The following CTNNBL1 variants were observed in gnomAD, a reference collection of about 807,000 sequenced individuals.
The protein encoded by CTNNBL1 is catenin beta like 1, also known as beta-catenin-like protein 1.
In CTNNBL1, 31 loss-of-function variants were observed where a neutral mutation model predicts 72.7. The observed-to-expected ratio is 0.43, with a 90% CI of 0.32 to 0.58. The LOEUF is 0.58. CTNNBL1 is among the 20% of genes least tolerant of loss of function. CTNNBL1 has a pLI of 0.08. For missense variants in CTNNBL1, 534 were observed against 725.1 expected, an observed-to-expected ratio of 0.74 and a Z score of 3.03; for synonymous variants, 240 against 267.3, an observed-to-expected ratio of 0.90 and a Z score of 1.00.
intron 1 of CTNNBL1, among the ~76,000 whole-genome samples, chr20:37,700,393 T>G (rs2072830148): frequency 6.6e-6 from 1 of 152,232 alleles, no homozygotes; most frequent in Admixed American, 6.5e-5. Context: ...ATTTCATTTT[T>G]GGGGCGACTT....
chr20:37,828,795 G>T (rs1286773140), intron 11 of CTNNBL1, among the ~76,000 whole-genome samples: 3 of 152,176 alleles, frequency 2.0e-5, no homozygotes, highest in Non-Finnish European at 4.4e-5. Flanking sequence ...CTTGAGAAGG[G>T]TATCAATATT....
chr20:37,806,806 CAG>C (rs1319592562), intron 11 of CTNNBL1, among the ~76,000 whole-genome samples: 1 of 152,172 alleles, frequency 6.6e-6, no homozygotes, highest in East Asian at 1.9e-4. Flanking sequence ...TCTGTCCAAT[CAG>C]AGTTAGGAGG....
At chr20:37,737,876 T>A (rs1461173234) in intron 3 of CTNNBL1, among the ~76,000 whole-genome samples, 1 of 152,216 alleles carries the variant, frequency 6.6e-6, no homozygotes, top group East Asian at 1.9e-4. Flanking sequence ...GTTCAGGGTT[T>A]TTATGGAGGA....
chr20:37,699,593 A>G (rs543049142), intron 1 of CTNNBL1, among the ~76,000 whole-genome samples: 1 of 152,306 alleles, frequency 6.6e-6, no homozygotes, highest in Middle Eastern at 3.4e-3. Flanking sequence ...TAATACATAC[A>G]TCTTATGAGC....
At chr20:37,807,224 T>C (rs945535572) in intron 11 of CTNNBL1, among the ~76,000 whole-genome samples, 11 of 152,106 alleles carry the variant, frequency 7.2e-5, no homozygotes, top group Non-Finnish European at 1.6e-4. Context: ...GAATCTACCA[T>C]GAAGGGTGTT....
At chr20:37,793,083 T>G (rs987044632) in intron 10 of CTNNBL1, among the ~76,000 whole-genome samples, 9 of 152,252 alleles carry the variant, frequency 5.9e-5, no homozygotes, top group Non-Finnish European at 1.0e-4. Context: ...CTAAATATTG[T>G]ATACTTGAAT....
At chr20:37,754,763 C>G (rs1377999352) in intron 4 of CTNNBL1, among the ~76,000 whole-genome samples, 2 of 151,906 alleles carry the variant, frequency 1.3e-5, no homozygotes, top group African/African-American at 4.8e-5. Flanking sequence ...TTATTGAAAT[C>G]AGATGGACCT....
At chr20:37,718,022 C>T (rs890182118) in intron 1 of CTNNBL1, among the ~76,000 whole-genome samples, 3 of 152,340 alleles carry the variant, frequency 2.0e-5, no homozygotes, top group Admixed American at 6.5e-5. Flanking sequence ...TACACAGACA[C>T]AGCAACCATC....
chr20:37,806,376 G>A (rs148301772), intron 11 of CTNNBL1, among the ~76,000 whole-genome samples: 407 of 152,300 alleles, frequency 2.7e-3, no homozygotes, highest in African/African-American at 9.3e-3. Flanking sequence ...AGAGCACCAG[G>A]ATGGCTAACT....
chr20:37,861,980 T>C (rs1192793059), intron 15 of CTNNBL1, among the ~76,000 whole-genome samples: 1 of 152,164 alleles, frequency 6.6e-6, no homozygotes, highest in Non-Finnish European at 1.5e-5. Flanking sequence ...AGTGAAGGCA[T>C]AGGGGCTGGA....
intron 1 of CTNNBL1, among the ~76,000 whole-genome samples, chr20:37,704,525 G>A (rs2072869409): frequency 6.6e-6 from 1 of 151,902 alleles, no homozygotes; most frequent in Non-Finnish European, 1.5e-5. Flanking sequence ...GACCAGCCTG[G>A]GCAACACAGT....
chr20:37,799,663 T>G (rs2073807585), intron 10 of CTNNBL1, among the ~76,000 whole-genome samples: 1 of 152,228 alleles, frequency 6.6e-6, no homozygotes, highest in South Asian at 2.1e-4. Context: ...CTTACATTGC[T>G]TAAAGACAAG....
chr20:37,865,204 G>A (rs2072526813), intron 15 of CTNNBL1, among the ~76,000 whole-genome samples: 1 of 152,132 alleles, frequency 6.6e-6, no homozygotes, highest in South Asian at 2.1e-4. Context: ...ACACTCAGGA[G>A]ACCCTGTCCC....
intron 11 of CTNNBL1, among the ~76,000 whole-genome samples, chr20:37,829,394 G>C (rs921386810): frequency 6.6e-6 from 1 of 152,118 alleles, no homozygotes; most frequent in Non-Finnish European, 1.5e-5. Flanking sequence ...TTAACCATTT[G>C]AGCTGTGGAA....
intron 1 of CTNNBL1, among the ~76,000 whole-genome samples, chr20:37,725,823 G>T (rs969670261): frequency 5.3e-5 from 8 of 151,714 alleles, no homozygotes; most frequent in South Asian, 2.1e-4. Context: ...ATCCCTACCA[G>T]AAATAAAAAA....
At chr20:37,799,570 A>C (rs114434211) in intron 10 of CTNNBL1, among the ~76,000 whole-genome samples, 1,893 of 152,274 alleles carry the variant, frequency 0.012, 45 homozygotes, top group African/African-American at 0.043. Context: ...GACTTCTCCC[A>C]AGGCAAATTA....
intron 15 of CTNNBL1, 138 bp from the exon 16 acceptor site, chr20:37,871,787 G>A: frequency 1.5e-6 from 1 of 682,182 alleles, no homozygotes; most frequent in Non-Finnish European, 2.6e-6. Context: ...AAGACCCCAA[G>A]GAATTTGGCT....
At chr20:37,717,041 G>A (rs1048011148) in intron 1 of CTNNBL1, among the ~76,000 whole-genome samples, 1 of 152,174 alleles carries the variant, frequency 6.6e-6, no homozygotes, top group Admixed American at 6.5e-5. Flanking sequence ...CACATGATCC[G>A]GTTCTCACTC....
At chr20:37,699,781 C>T (rs971306178) in intron 1 of CTNNBL1, among the ~76,000 whole-genome samples, 1 of 152,162 alleles carries the variant, frequency 6.6e-6, no homozygotes, top group Non-Finnish European at 1.5e-5. Context: ...GATGCTGATG[C>T]TGTACTTTGT....
Sources: allele counts gnomAD v4.1 joint callset (sites outside exome capture counted in the v4.1 genomes callset), GRCh38; gene constraint gnomAD v4.1.1; transcripts MANE v1.5; gene names NCBI Gene and HGNC (gene_info 2026-07-23, HGNC 2026-07-21).